Variants in EIF2B3 observed in about 807,000 individuals in gnomAD.
EIF2B3 encodes eukaryotic translation initiation factor 2B subunit gamma.
EIF2B3 carries 20 observed loss-of-function variants against 54.1 expected under a neutral mutation model. The ratio of observed to expected loss-of-function variants is 0.37; its 90% CI spans 0.26 to 0.54. The LOEUF (loss-of-function observed/expected upper bound fraction) is 0.54. EIF2B3 is among the 20% of genes least tolerant of loss of function. The probability of loss-of-function intolerance (pLI) is 0.86; values close to 1 mark genes in which losing one functional copy is unlikely to be tolerated. For missense variants in EIF2B3, 448 were observed against 547.8 expected (o/e 0.82, Z 1.82); for synonymous variants, 153 against 188.1 (o/e 0.81, Z 1.52).
chr1:44,868,171 A>G (rs1260640142), intron 10 of EIF2B3, among the ~76,000 whole-genome samples: 1 of 152,024 alleles, frequency 6.6e-6, no homozygotes, highest in Non-Finnish European at 1.5e-5. Flanking sequence ...GGCCGAGGCG[A>G]GCGGATCACA....
intron 11 of EIF2B3, among the ~76,000 whole-genome samples, chr1:44,854,429 G>C (rs1359591680): frequency 1.3e-5 from 2 of 151,968 alleles, no homozygotes; most frequent in Non-Finnish European, 2.9e-5. Flanking sequence ...AGAAAAGTCA[G>C]AGTTGTTATA....
chr1:44,900,922 AT>A (rs1391328196), intron 5 of EIF2B3, among the ~76,000 whole-genome samples: 3 of 151,904 alleles, frequency 2.0e-5, no homozygotes, highest in Non-Finnish European at 4.4e-5. Context: ...GCTGTTAGTG[AT>A]TTTTTTGAGT....
At chr1:44,954,966 T>A (rs1470172238) in intron 3 of EIF2B3, among the ~76,000 whole-genome samples, 1 of 152,234 alleles carries the variant, frequency 6.6e-6, no homozygotes, top group African/African-American at 2.4e-5. Flanking sequence ...TTTTTCTGCA[T>A]CTGTTAAGAA....
intron 3 of EIF2B3, among the ~76,000 whole-genome samples, chr1:44,960,350 C>G (rs1644270863): frequency 6.6e-6 from 1 of 151,574 alleles, no homozygotes; most frequent in Admixed American, 6.6e-5. Context: ...GTTTAAAAAC[C>G]AATACTGGGC....
chr1:44,901,424 A>AT (rs36052952), intron 5 of EIF2B3, among the ~76,000 whole-genome samples: 2 of 148,384 alleles, frequency 1.3e-5, no homozygotes, highest in East Asian at 2.0e-4. Flanking sequence ...TCCCTTTAAG[A>AT]TTTTTTTATA....
At chr1:44,924,545 G>A (rs1381676608) in intron 5 of EIF2B3, among the ~76,000 whole-genome samples, 2 of 151,790 alleles carry the variant, frequency 1.3e-5, no homozygotes, top group Admixed American at 6.6e-5. Context: ...ATGCCACCAC[G>A]CCTGGCTAAT....
chr1:44,917,264 C>T (rs183442239), intron 5 of EIF2B3, among the ~76,000 whole-genome samples: 187 of 152,100 alleles, frequency 1.2e-3, no homozygotes, highest in Admixed American at 2.9e-3. Context: ...GAGGCTAAGG[C>T]GGGCCAATCA....
intron 10 of EIF2B3, among the ~76,000 whole-genome samples, chr1:44,858,172 C>T (rs1219331183): frequency 6.8e-6 from 1 of 146,664 alleles, no homozygotes; most frequent in Non-Finnish European, 1.5e-5. Context: ...CTCCTGGGTT[C>T]AAGTGATCCT....
intron 3 of EIF2B3, among the ~76,000 whole-genome samples, chr1:44,956,842 A>C (rs1035043302): frequency 6.6e-6 from 1 of 152,226 alleles, no homozygotes; most frequent in African/African-American, 2.4e-5. Context: ...AATGTAAAAA[A>C]GTGAAACTAT....
intron 9 of EIF2B3, among the ~76,000 whole-genome samples, chr1:44,875,070 C>T (rs1655078163): frequency 6.6e-6 from 1 of 152,218 alleles, no homozygotes; most frequent in African/African-American, 2.4e-5. Context: ...GACACATATA[C>T]ACACTCATGC....
At chr1:44,866,658 G>A (rs1439965741) in intron 10 of EIF2B3, among the ~76,000 whole-genome samples, 5 of 151,900 alleles carry the variant, frequency 3.3e-5, no homozygotes, top group Admixed American at 1.3e-4. Context: ...CGGTTTAAGC[G>A]ATTCTCCTGC....
At chr1:44,924,396 G>C (rs544624476) in intron 5 of EIF2B3, among the ~76,000 whole-genome samples, 1 of 149,012 alleles carries the variant, frequency 6.7e-6, no homozygotes, top group East Asian at 1.9e-4. Flanking sequence ...TCCTTTTTTT[G>C]TTTGTTTGTT....
At chr1:44,961,877 C>T (rs562286080) in intron 3 of EIF2B3, among the ~76,000 whole-genome samples, 1 of 152,200 alleles carries the variant, frequency 6.6e-6, no homozygotes, top group South Asian at 2.1e-4. Flanking sequence ...TTCACCACAT[C>T]ACCCTACCTT....
intron 6 of EIF2B3, among the ~76,000 whole-genome samples, chr1:44,885,647 A>T (rs1408372515): frequency 6.6e-6 from 1 of 152,236 alleles, no homozygotes; most frequent in East Asian, 1.9e-4. Flanking sequence ...AAAAAAAGGT[A>T]TTCCCGTTAT....
At chr1:44,940,960 C>T (rs1364582677) in intron 4 of EIF2B3, among the ~76,000 whole-genome samples, 1 of 151,162 alleles carries the variant, frequency 6.6e-6, no homozygotes, top group African/African-American at 2.4e-5. Flanking sequence ...GATCTCGGCT[C>T]ACTGCAACCT....
At chr1:44,937,797 T>C (rs1391201739) in intron 4 of EIF2B3, among the ~76,000 whole-genome samples, 4 of 142,534 alleles carry the variant, frequency 2.8e-5, no homozygotes, top group Non-Finnish European at 6.0e-5. Context: ...GGCAGGAGAA[T>C]GCCGTGAACC....
intron 1 of EIF2B3, among the ~76,000 whole-genome samples, chr1:44,986,005 AAATG>A (rs571107126): frequency 3.0e-4 from 45 of 152,088 alleles, no homozygotes; most frequent in African/African-American, 1.0e-3. Context: ...CAGGCTGAAC[AAATG>A]AATGAAGGGC....
In EIF2B3 at chr1:44,914,790, G is replaced by C. The variant is rs116105665; in HGVS notation, c.566+11838C>G. Among the ~76,000 whole-genome samples the C allele has an allele frequency of 2.6e-3, 391 of 152,104 alleles. 1 individual carries two copies. The highest frequency in any genetic ancestry group is 9.3e-3 in the African/African-American group (388 of 41,532). On this transcript the variant is annotated intron_variant, in intron 5 of 11. Transcript: ENST00000360403. ...TGCTAGCTCCGCCACCCTGTTTCACGACATTCTCCTGCCTCAGCCTCCCAA... is the reference window on the plus strand; with the variant it reads ...TGCTAGCTCCGCCACCCTGTTTCACCACATTCTCCTGCCTCAGCCTCCCAA...
chr1:44,956,092 T>C (rs1317847129), intron 3 of EIF2B3, among the ~76,000 whole-genome samples: 1 of 152,182 alleles, frequency 6.6e-6, no homozygotes, highest in African/African-American at 2.4e-5. Context: ...CTGTTCACAA[T>C]AGCTAAGACT....
Sources: allele counts gnomAD v4.1 joint callset (sites outside exome capture counted in the v4.1 genomes callset), GRCh38; gene constraint gnomAD v4.1.1; transcripts MANE v1.5; gene names NCBI Gene and HGNC (gene_info 2026-07-23, HGNC 2026-07-21).